The following RTL4 variants were observed in gnomAD, a reference collection of about 807,000 sequenced individuals.
RTL4 encodes the protein retrotransposon Gag like 4.
In RTL4, 4 loss-of-function variants were observed where a neutral mutation model predicts 5.3. The observed-to-expected ratio is 0.75, with a 90% CI of 0.37 to 1.72. The LOEUF is 1.72. Ranked by LOEUF, RTL4 falls within the 40% of genes most tolerant of loss-of-function variation. RTL4 has a pLI of 0.04. For missense variants in RTL4, 260 were observed against 227.1 expected (o/e 1.14, Z -0.93); for synonymous variants, 98 against 87.3 (o/e 1.12, Z -0.68).
At chrX:112,359,064 A>G in the RTL4 span, among the ~76,000 whole-genome samples, 2 of 111,924 alleles carry the variant, frequency 1.8e-5, no homozygotes, top group Admixed American at 1.9e-4. Flanking sequence ...TAATGAAAAC[A>G]GTGAGTCTAT....
chrX:112,147,393 A>AC, the RTL4 span, among the ~76,000 whole-genome samples: 1 of 110,088 alleles, frequency 9.1e-6, no homozygotes, highest in East Asian at 2.9e-4. Flanking sequence ...ATTCTCAGCT[A>AC]CCCCCTCCCC....
chrX:112,316,914 A>G, the RTL4 span, among the ~76,000 whole-genome samples: 2 of 112,055 alleles, frequency 1.8e-5, no homozygotes, highest in Non-Finnish European at 3.8e-5. Context: ...GACAAGCTTG[A>G]GCTCAGCCAC....
At chrX:112,337,515 T>C in the RTL4 span, among the ~76,000 whole-genome samples, 18 of 111,509 alleles carry the variant, frequency 1.6e-4, no homozygotes, top group Non-Finnish European at 3.4e-4. Flanking sequence ...ACTCCAGACC[T>C]GAGGTGATCT....
chrX:112,126,714 T>C, the RTL4 span, among the ~76,000 whole-genome samples: 1 of 111,271 alleles, frequency 9.0e-6, no homozygotes. Flanking sequence ...AAACTAGAAA[T>C]AAAAGTGAAG....
the RTL4 span, among the ~76,000 whole-genome samples, chrX:112,241,961 G>C: frequency 4.1e-4 from 46 of 111,422 alleles, no homozygotes; most frequent in Middle Eastern, 4.6e-3. Context: ...GAATCCTTTT[G>C]CCATTTCTTA....
At chrX:112,251,104 C>G in the RTL4 span, among the ~76,000 whole-genome samples, 1 of 112,028 alleles carries the variant, frequency 8.9e-6, no homozygotes, top group African/African-American at 3.2e-5. Flanking sequence ...TTACCTTCAA[C>G]TACTTAGCTT....
At chrX:112,090,440 G>A in the RTL4 span, among the ~76,000 whole-genome samples, 10 of 110,878 alleles carry the variant, frequency 9.0e-5, no homozygotes, top group Admixed American at 1.9e-4. Context: ...TTTGTTGAGT[G>A]GTTTAATCAT....
the RTL4 span, among the ~76,000 whole-genome samples, chrX:112,094,804 A>G: frequency 4.5e-5 from 5 of 111,779 alleles, no homozygotes; most frequent in African/African-American, 1.3e-4. Context: ...CAAAGTGACT[A>G]CTAGGGTTAA....
the RTL4 span, among the ~76,000 whole-genome samples, chrX:112,175,047 G>C: frequency 1.3e-3 from 124 of 96,223 alleles, no homozygotes; most frequent in African/African-American, 4.4e-3. Flanking sequence ...CACTCTGATG[G>C]TAGTTTCTTT....
At chrX:112,097,166 T>A in the RTL4 span, among the ~76,000 whole-genome samples, 13 of 111,907 alleles carry the variant, frequency 1.2e-4, no homozygotes, top group Admixed American at 1.0e-3. Context: ...TACTGGGATA[T>A]ATTAGTGAAC....
chrX:112,237,081 G>A, the RTL4 span, among the ~76,000 whole-genome samples: 4 of 111,736 alleles, frequency 3.6e-5, no homozygotes, highest in Admixed American at 2.9e-4. Flanking sequence ...CCCCCCTAGA[G>A]CTTGCAGAAA....
chrX:112,375,041 T>C, the RTL4 span, among the ~76,000 whole-genome samples: 1 of 111,964 alleles, frequency 8.9e-6, no homozygotes, highest in Admixed American at 9.5e-5. Flanking sequence ...TTTTTAATAT[T>C]GAATGTCTTT....
chrX:112,173,345 A>G, the RTL4 span, among the ~76,000 whole-genome samples: 1 of 110,566 alleles, frequency 9.0e-6, no homozygotes, highest in Non-Finnish European at 1.9e-5. Flanking sequence ...GATCTGCAAG[A>G]CTCTCTAGTG....
At chrX:112,231,393 T>TA in the RTL4 span, among the ~76,000 whole-genome samples, 3 of 109,330 alleles carry the variant, frequency 2.7e-5, no homozygotes, top group African/African-American at 1.0e-4. Flanking sequence ...TATGCAGCCA[T>TA]AAAAAAGGAT....
the RTL4 span, chrX:112,381,260 C>T: frequency 3.2e-5 from 38 of 1,202,985 alleles, no homozygotes; most frequent in Non-Finnish European, 3.8e-5. Flanking sequence ...TGCTTGGATT[C>T]CAGGTGCGAC....
chrX:112,121,782 G>T, the RTL4 span, among the ~76,000 whole-genome samples: 2 of 111,493 alleles, frequency 1.8e-5, no homozygotes, highest in Admixed American at 1.9e-4. Flanking sequence ...TTTCAGAACT[G>T]CTAGGAAAAG....
chrX:112,242,164 G>A, the RTL4 span, among the ~76,000 whole-genome samples: 1 of 111,898 alleles, frequency 8.9e-6, no homozygotes, highest in South Asian at 3.7e-4. Context: ...GCTTAGTATT[G>A]TCTTGGCAAT....
At chrX:112,446,646 G>T in the RTL4 span, among the ~76,000 whole-genome samples, 1 of 112,148 alleles carries the variant, frequency 8.9e-6, no homozygotes, top group Non-Finnish European at 1.9e-5. Flanking sequence ...CCAGGAGTTT[G>T]AGACCAGCCT....
chrX:112,229,392 G>C, the RTL4 span, among the ~76,000 whole-genome samples: 1 of 112,203 alleles, frequency 8.9e-6, no homozygotes, highest in Non-Finnish European at 1.9e-5. Flanking sequence ...GGAAATCGAT[G>C]CACAGAGAAA....
Sources: allele counts gnomAD v4.1 joint callset (sites outside exome capture counted in the v4.1 genomes callset), GRCh38; gene constraint gnomAD v4.1.1; transcripts MANE v1.5; gene names NCBI Gene and HGNC (gene_info 2026-07-23, HGNC 2026-07-21).